The following GNG7 variants were observed in gnomAD, a reference collection of about 807,000 sequenced individuals.
GNG7 encodes the protein guanine nucleotide-binding protein G(I)/G(S)/G(O) subunit gamma-7.
Under a neutral mutation model 4.0 loss-of-function variants are expected in GNG7, and 1 was observed. That is an observed-to-expected ratio of 0.25 (90% CI 0.09 to 1.18). The LOEUF is 1.18. GNG7 is among the 50% of genes most tolerant of loss of function. GNG7 has a pLI of 0.50. For missense variants in GNG7, 86 were observed against 91.9 expected (o/e 0.94, Z 0.26); for synonymous variants, 34 against 36.9 (o/e 0.92, Z 0.29).
intron 2 of GNG7, among the ~76,000 whole-genome samples, chr19:2,599,873 G>A (rs1030186069): frequency 6.6e-6 from 1 of 151,700 alleles, no homozygotes; most frequent in Non-Finnish European, 1.5e-5. Flanking sequence ...GGAGGTGGAG[G>A]TTGCAGAGAG....
At chr19:2,696,228 GA>G (rs1470379552) in intron 1 of GNG7, among the ~76,000 whole-genome samples, 1 of 147,242 alleles carries the variant, frequency 6.8e-6, no homozygotes, top group Non-Finnish European at 1.5e-5. Flanking sequence ...AGAGGAGAGA[GA>G]GGAGAGAGAG....
intron 1 of GNG7, among the ~76,000 whole-genome samples, chr19:2,675,896 C>G (rs2144893738): frequency 6.6e-6 from 1 of 152,326 alleles, no homozygotes; most frequent in South Asian, 2.1e-4. Context: ...ATTGTTGAGC[C>G]AGATGCCTCA....
intron 1 of GNG7, among the ~76,000 whole-genome samples, chr19:2,676,231 GA>G (rs1487205274): frequency 6.6e-6 from 1 of 152,244 alleles, no homozygotes; most frequent in Non-Finnish European, 1.5e-5. Flanking sequence ...AGAACTGCCA[GA>G]AAATCCATTT....
chr19:2,663,346 C>CT (rs1983226025), intron 1 of GNG7, among the ~76,000 whole-genome samples: 1 of 139,990 alleles, frequency 7.1e-6, no homozygotes, highest in African/African-American at 3.2e-5. Context: ...CTCTCTCTCT[C>CT]CCCCCCCTCC....
rs141772266 is a variant in GNG7, at chr19:2,620,702, G to A, written c.-78+25522C>T. Among the ~76,000 whole-genome samples, 887 of 152,154 alleles carry A rather than the reference G, an allele frequency of 5.8e-3. 11 individuals are homozygous for A. The highest frequency in any genetic ancestry group is 0.02 in the African/African-American group (836 of 41,508). On this transcript the variant is annotated intron_variant, in intron 2 of 4. Transcript: ENST00000382159. ...ACGTGGGTCGGCCAGTTAGCTGGGC[G>A]TGGTGTTGTGCGCCTGTAATCCCAG...
intron 2 of GNG7, chr19:2,643,334 C>A: frequency 4.6e-6 from 2 of 432,026 alleles, no homozygotes; most frequent in Non-Finnish European, 9.2e-6. Context: ...GCACACCTTC[C>A]GGCCCGGCTC....
chr19:2,551,041 G>T (rs1055122966), intron 3 of GNG7, among the ~76,000 whole-genome samples: 1 of 152,122 alleles, frequency 6.6e-6, no homozygotes. Context: ...TAATCCCCAC[G>T]GCACGTGGCC....
chr19:2,534,230 GC>G (rs1297969626), intron 3 of GNG7, among the ~76,000 whole-genome samples: 2 of 152,128 alleles, frequency 1.3e-5, no homozygotes, highest in African/African-American at 4.8e-5. Context: ...AGTCCAGCCA[GC>G]CCCTCCTTGG....
chr19:2,615,602 A>G (rs1307613942), intron 2 of GNG7, among the ~76,000 whole-genome samples: 1 of 151,764 alleles, frequency 6.6e-6, no homozygotes, highest in East Asian at 1.9e-4. Flanking sequence ...AGCTGGAACT[A>G]CAGGCACCCA....
chr19:2,551,634 AAC>A lies in GNG7; in HGVS notation c.-38+3513_-38+3514del, dbSNP rs562155344. On this transcript the variant is annotated intron_variant, in intron 3 of 4. Transcript: ENST00000382159. ...AAATATATATTTATAAATATATAAAAACACATATACATATTTATAAATAAAAT... is the reference window on the plus strand; with the variant it reads ...AAATATATATTTATAAATATATAAAAACATATACATATTTATAAATAAAAT... 3.6e-3 allele frequency among the ~76,000 whole-genome samples: 285 copies of A among 79,106 alleles called. 1 individual carries two copies. The highest frequency in any genetic ancestry group is 0.016 in the African/African-American group (252 of 16,032). The allele number at this position is 79,106 out of a possible 152,430, so 51.9% of individuals were successfully genotyped here.
At chr19:2,522,208 C>T (rs1978312619) in intron 3 of GNG7, among the ~76,000 whole-genome samples, 1 of 152,126 alleles carries the variant, frequency 6.6e-6, no homozygotes. Flanking sequence ...GGGAACGATC[C>T]AGCCCCACGT....
At chr19:2,555,009 G>T (rs1979501942) in intron 3 of GNG7, 140 bp downstream of exon 3, 1 of 152,132 alleles carries the variant, frequency 6.6e-6, no homozygotes, top group Non-Finnish European at 1.5e-5. Context: ...AGGTTTCCTG[G>T]CTCTGAGCCC....
At chr19:2,692,373 C>T (rs565537872) in intron 1 of GNG7, among the ~76,000 whole-genome samples, 7 of 151,620 alleles carry the variant, frequency 4.6e-5, no homozygotes, top group South Asian at 2.1e-4. Context: ...CGGTGGCTCA[C>T]GCCTGTAATC....
intron 2 of GNG7, among the ~76,000 whole-genome samples, chr19:2,582,933 T>A (rs1163294831): frequency 6.6e-6 from 1 of 152,160 alleles, no homozygotes; most frequent in African/African-American, 2.4e-5. Flanking sequence ...CCTCCCAAAG[T>A]GCTGGGATTA....
chr19:2,540,301 C>G (rs1978916098), intron 3 of GNG7, among the ~76,000 whole-genome samples: 1 of 152,046 alleles, frequency 6.6e-6, no homozygotes, highest in Admixed American at 6.6e-5. Context: ...CAGGCACACA[C>G]CACCATGCCC....
At chr19:2,677,283 A>C (rs1983618593) in intron 1 of GNG7, among the ~76,000 whole-genome samples, 1 of 146,302 alleles carries the variant, frequency 6.8e-6, no homozygotes, top group Non-Finnish European at 1.5e-5. Flanking sequence ...ATTCCTTTCT[A>C]TACAACCGTG....
chr19:2,584,520 C>A (rs532883064), intron 2 of GNG7, among the ~76,000 whole-genome samples: 2 of 150,044 alleles, frequency 1.3e-5, no homozygotes, highest in African/African-American at 2.5e-5. Context: ...TCACTTGAGC[C>A]CAAGAGGTCA....
intron 1 of GNG7, among the ~76,000 whole-genome samples, chr19:2,667,451 G>A (rs906953773): frequency 6.6e-6 from 1 of 151,946 alleles, no homozygotes; most frequent in Non-Finnish European, 1.5e-5. Flanking sequence ...CTATGTGCTC[G>A]CCAGAAAACC....
At chr19:2,657,361 A>AAAAAAATATAT (rs1555701153) in intron 1 of GNG7, among the ~76,000 whole-genome samples, 6 of 16,336 alleles carry the variant, frequency 3.7e-4, no homozygotes, top group African/African-American at 1.1e-3. Context: ...AAAAAAAAAA[A>AAAAAAATATAT]ATATATATAT....
Sources: gnomAD v4.1 joint callset for allele counts (sites outside exome capture counted in the v4.1 genomes callset) on GRCh38, gnomAD v4.1.1 for gene constraint, MANE v1.5 for transcripts, NCBI Gene and HGNC (gene_info 2026-07-23, HGNC 2026-07-21) for gene names.